Variants in L3MBTL4 observed in about 807,000 individuals in gnomAD.
The protein encoded by L3MBTL4 is lethal(3)malignant brain tumor-like protein 4.
A neutral mutation model predicts 84.5 loss-of-function variants in L3MBTL4; 70 were observed. That is an observed-to-expected ratio of 0.83 (90% CI 0.68 to 1.01). The LOEUF (loss-of-function observed/expected upper bound fraction) is 1.01. L3MBTL4 is among the 50% of genes least tolerant of loss of function. The pLI is 0.00. For missense variants in L3MBTL4, 715 were observed against 754.8 expected (o/e 0.95, Z 0.62); for synonymous variants, 274 against 259.8 (o/e 1.05, Z -0.52).
intron 1 of L3MBTL4, among the ~76,000 whole-genome samples, chr18:6,400,017 A>C (rs563300966): frequency 3.3e-5 from 5 of 152,358 alleles, no homozygotes; most frequent in Admixed American, 6.5e-5. Flanking sequence ...GGAAGAACTG[A>C]AATCTACATT....
At chr18:6,010,984 C>T (rs994449943) in intron 16 of L3MBTL4, among the ~76,000 whole-genome samples, 1 of 152,188 alleles carries the variant, frequency 6.6e-6, no homozygotes, top group Admixed American at 6.5e-5. Context: ...AAGAATATTT[C>T]TGATAATCTG....
In L3MBTL4 at chr18:6,293,253, A is replaced by G. The variant is rs1011283245; in HGVS notation, c.127+8650T>C. ...ATGACATCCTAATAGCAATGAACAC[A>G]CCTAGCCCTGGCCACATAAAAAGAG... is the stretch of plus-strand genomic sequence containing the variant. On this transcript the variant is annotated intron_variant, in intron 4 of 18. Coordinates refer to ENST00000317931, the MANE Select transcript of L3MBTL4 (RefSeq NM_001330559.2). Among the ~76,000 whole-genome samples, 16 of 152,164 alleles carry G rather than the reference A, an allele frequency of 1.1e-4. No homozygotes were observed. The East Asian group carries it at 1.2e-3, about 11-fold the overall frequency.
At chr18:6,406,493 G>A (rs559828626) in intron 1 of L3MBTL4, among the ~76,000 whole-genome samples, 6 of 152,226 alleles carry the variant, frequency 3.9e-5, no homozygotes, top group African/African-American at 7.2e-5. Flanking sequence ...TAATACAACC[G>A]GACCTCTGAT....
chr18:6,295,585 C>T (rs2050075305), intron 4 of L3MBTL4, among the ~76,000 whole-genome samples: 1 of 151,750 alleles, frequency 6.6e-6, no homozygotes, highest in Admixed American at 6.6e-5. Flanking sequence ...TCTTATAAAC[C>T]AGTATCAAGA....
intron 15 of L3MBTL4, among the ~76,000 whole-genome samples, chr18:6,082,132 G>T (rs2058098849): frequency 6.6e-6 from 1 of 152,066 alleles, no homozygotes; most frequent in African/African-American, 2.4e-5. Flanking sequence ...TCTGTTAAAT[G>T]GACACAGTAC....
At chr18:6,408,915 A>C (rs2055850495) in intron 1 of L3MBTL4, among the ~76,000 whole-genome samples, 1 of 151,994 alleles carries the variant, frequency 6.6e-6, no homozygotes, top group African/African-American at 2.4e-5. Context: ...AAACTCAGGC[A>C]ATCCACCCTC....
intron 3 of L3MBTL4, among the ~76,000 whole-genome samples, chr18:6,307,391 T>C (rs1386588839): frequency 1.3e-5 from 2 of 150,214 alleles, no homozygotes; most frequent in African/African-American, 2.5e-5. Context: ...GAGCCGAGAT[T>C]GCGCCACTGC....
intron 13 of L3MBTL4, among the ~76,000 whole-genome samples, chr18:6,167,586 A>C (rs1432891060): frequency 2.6e-5 from 4 of 152,216 alleles, no homozygotes; most frequent in Non-Finnish European, 5.9e-5. Flanking sequence ...CCACATGATT[A>C]TCTCAATAGA....
chr18:6,230,563 G>T (rs1473626567), intron 10 of L3MBTL4, among the ~76,000 whole-genome samples: 1 of 152,052 alleles, frequency 6.6e-6, no homozygotes, highest in Non-Finnish European at 1.5e-5. Context: ...GTGTCTTTAT[G>T]GAAGAACAAT....
At chr18:5,977,085 A>C (rs1158893085) in intron 16 of L3MBTL4, among the ~76,000 whole-genome samples, 3 of 152,078 alleles carry the variant, frequency 2.0e-5, no homozygotes, top group Admixed American at 6.5e-5. Context: ...CTCAATGGGT[A>C]ACCTTCCCAC....
At chr18:6,362,380 C>G (rs748415663) in intron 1 of L3MBTL4, among the ~76,000 whole-genome samples, 1 of 152,142 alleles carries the variant, frequency 6.6e-6, no homozygotes, top group Non-Finnish European at 1.5e-5. Context: ...GAGACCAGCA[C>G]TAGGAGAGCT....
rs938384003 is a variant in L3MBTL4, at chr18:6,213,273, T to C, written c.871-14A>G. On this transcript the variant is annotated splice_polypyrimidine_tract_variant and intron_variant, in intron 11 of 18. Transcript: ENST00000317931. ...ATGAGGCAACCTCTGTAAATGTTAT[T>C]ATAAGTACAACAAATCATGCAAAAT... The C allele has an allele frequency of 4.8e-6, 7 of 1,450,240 alleles. No homozygotes were observed. The highest frequency in any genetic ancestry group is 1.2e-5 in the South Asian group (1 of 82,046). 89.8% of individuals were successfully genotyped at this position (1,450,240 alleles called of 1,614,324 possible).
intron 16 of L3MBTL4, among the ~76,000 whole-genome samples, chr18:6,044,775 ACCATGTCTTCTT>A (rs2056544118): frequency 6.6e-6 from 1 of 152,220 alleles, no homozygotes; most frequent in Admixed American, 6.5e-5. Context: ...CCCTGCCTTC[ACCATGTCTTCTT>A]CCCATCCTTA....
At chr18:6,153,628 C>T (rs761137278) in intron 13 of L3MBTL4, among the ~76,000 whole-genome samples, 14 of 152,088 alleles carry the variant, frequency 9.2e-5, no homozygotes, top group Non-Finnish European at 1.6e-4. Flanking sequence ...TGGTTTGGCT[C>T]GGTGTCCCCA....
In L3MBTL4 at chr18:6,171,815, G is replaced by T. The variant is rs1374168062; in HGVS notation, c.1096+13C>A. 2.1e-6 allele frequency: 3 copies of T among 1,458,418 alleles called. No individual in the cohort carries two copies. The highest frequency in any genetic ancestry group is 1.7e-4 in the Middle Eastern group (1 of 5,750). The allele number at this position is 1,458,418 out of a possible 1,614,324, so 90.3% of individuals were successfully genotyped here. A position where few individuals can be genotyped will look rare whatever the true frequency, so the allele number is the denominator to read the frequency against. ...AGTATTTAAAAAGCAACAACAAAGA[G>T]CAAAGTACTCACGCTGTGGCACTTC... is the stretch of plus-strand genomic sequence containing the variant. On this transcript the variant is annotated intron_variant, in intron 13 of 18. Coordinates refer to ENST00000317931, the MANE Select transcript of L3MBTL4 (RefSeq NM_001330559.2).
At chr18:6,349,843 C>A (rs2053094417) in intron 1 of L3MBTL4, among the ~76,000 whole-genome samples, 3 of 152,166 alleles carry the variant, frequency 2.0e-5, no homozygotes, top group Admixed American at 1.3e-4. Context: ...CTGGAAGGAG[C>A]AAGAAGGGAG....
intron 12 of L3MBTL4, among the ~76,000 whole-genome samples, chr18:6,188,227 T>C (rs1385674333): frequency 2.0e-5 from 3 of 151,942 alleles, no homozygotes; most frequent in Non-Finnish European, 4.4e-5. Context: ...AGGATGGTAC[T>C]GACAATTAAT....
chr18:6,125,275 T>C (rs1454819860), intron 14 of L3MBTL4, among the ~76,000 whole-genome samples: 1 of 152,028 alleles, frequency 6.6e-6, no homozygotes, highest in Non-Finnish European at 1.5e-5. Context: ...AACAAAATAT[T>C]TAAGGCATAA....
At chr18:6,218,885 G>A (rs2046433657) in intron 10 of L3MBTL4, among the ~76,000 whole-genome samples, 1 of 152,142 alleles carries the variant, frequency 6.6e-6, no homozygotes, top group Non-Finnish European at 1.5e-5. Context: ...GCACACAGCA[G>A]TGCAGCAATA....
Sources: allele counts gnomAD v4.1 joint callset (sites outside exome capture counted in the v4.1 genomes callset), GRCh38; gene constraint gnomAD v4.1.1; transcripts MANE v1.5; gene names NCBI Gene and HGNC (gene_info 2026-07-23, HGNC 2026-07-21).